SLC39A11: variants seen among roughly 807,000 people sequenced by gnomAD.
The protein encoded by SLC39A11 is solute carrier family 39 member 11, also known as zinc transporter ZIP11.
Under a neutral mutation model 36.1 loss-of-function variants are expected in SLC39A11, and 33 were observed. That is an observed-to-expected ratio of 0.91 (90% confidence interval 0.69 to 1.22). The LOEUF (loss-of-function observed/expected upper bound fraction) is 1.22, where lower values mean the gene tolerates loss of function less well. Among genes scored for constraint, SLC39A11 ranks in the 50% most tolerant of loss-of-function variants. SLC39A11 has a pLI of 0.00. For synonymous variants in SLC39A11, 166 were observed against 170.3 expected (o/e 0.97, Z 0.20); for missense variants, 432 against 430.3 (o/e 1.00, Z -0.03).
chr17:72,694,258 A>G (rs1190049236), intron 7 of SLC39A11, among the ~76,000 whole-genome samples: 1 of 152,180 alleles, frequency 6.6e-6, no homozygotes, highest in South Asian at 2.1e-4. Flanking sequence ...TGAGGTTGCC[A>G]CCGGGCTGTG....
intron 6 of SLC39A11, among the ~76,000 whole-genome samples, chr17:72,785,989 A>G (rs978018327): frequency 6.6e-6 from 1 of 152,200 alleles, no homozygotes; most frequent in Non-Finnish European, 1.5e-5. Context: ...CTGAGTATTC[A>G]TTTTCTTCAC....
intron 4 of SLC39A11, among the ~76,000 whole-genome samples, chr17:72,954,274 G>A (rs1477219930): frequency 6.6e-6 from 1 of 152,196 alleles, no homozygotes; most frequent in South Asian, 2.1e-4. Flanking sequence ...TCAAACTCCT[G>A]ACCTCAAGTG....
intron 2 of SLC39A11, among the ~76,000 whole-genome samples, chr17:73,087,662 T>C (rs547454181): frequency 2.0e-5 from 3 of 151,768 alleles, no homozygotes; most frequent in Non-Finnish European, 4.4e-5. Flanking sequence ...TGTGGGACTA[T>C]AGGTAGAGCG....
chr17:72,826,677 C>T (rs2078042519), intron 6 of SLC39A11, among the ~76,000 whole-genome samples: 2 of 152,076 alleles, frequency 1.3e-5, no homozygotes, highest in South Asian at 2.1e-4. Context: ...ACATGGCGAT[C>T]GTAACCCCCA....
intron 6 of SLC39A11, among the ~76,000 whole-genome samples, chr17:72,802,061 G>A (rs1319686814): frequency 6.6e-6 from 1 of 152,180 alleles, no homozygotes; most frequent in East Asian, 1.9e-4. Flanking sequence ...CAGAAGGTTC[G>A]ATGCAGCGCA....
At chr17:73,026,245 C>T (rs933311546) in intron 4 of SLC39A11, among the ~76,000 whole-genome samples, 7 of 30,130 alleles carry the variant, frequency 2.3e-4, no homozygotes, top group Non-Finnish European at 5.4e-4. Flanking sequence ...AGGGAAAAGC[C>T]GGCTGTGGTG....
chr17:73,068,178 T>C (rs2144437532), intron 3 of SLC39A11: 5 of 1,234,022 alleles, frequency 4.1e-6, no homozygotes, highest in Non-Finnish European at 4.7e-6. Context: ...GAAACTGCAG[T>C]GGAAGACGGG....
chr17:72,901,555 A>G (rs72847969), intron 5 of SLC39A11, among the ~76,000 whole-genome samples: 23,378 of 152,140 alleles, frequency 0.15, 3,603 homozygotes, highest in African/African-American at 0.39. Context: ...GGTTTGGACT[A>G]TAACTGGATA....
intron 6 of SLC39A11, among the ~76,000 whole-genome samples, chr17:72,737,458 T>C (rs2074478757): frequency 6.6e-6 from 1 of 152,140 alleles, no homozygotes; most frequent in Non-Finnish European, 1.5e-5. Context: ...AAATATTTAC[T>C]TTCTGGAACT....
rs142961664 is a variant in SLC39A11, at chr17:73,068,041, T to C, written c.147+16767A>G. On this transcript the variant is annotated intron_variant, in intron 3 of 9. Coordinates refer to ENST00000255559, the MANE Select transcript of SLC39A11 (RefSeq NM_139177.4). ...GAAACTTTTTGATGAAGTCAATGAG[T>C]CCTTGGATGGTTCATGTTCGCTCTA... is the stretch of plus-strand genomic sequence containing the variant. 2.5e-6 allele frequency: 4 copies of C among 1,585,618 alleles called. No individual in the cohort carries two copies. In the African/African-American group the frequency reaches 5.4e-5, roughly 21 times the overall value.
intron 4 of SLC39A11, among the ~76,000 whole-genome samples, chr17:72,968,994 C>A (rs1208283274): frequency 6.6e-6 from 1 of 151,966 alleles, no homozygotes; most frequent in Non-Finnish European, 1.5e-5. Flanking sequence ...TCAGGTCTAC[C>A]ATGGGAAGCC....
At position 72,789,742 on chromosome 17, in the gene SLC39A11, G is replaced by A. The variant is rs117422398; in HGVS notation, c.602-53023C>T. Among the ~76,000 whole-genome samples the A allele has an allele frequency of 5.9e-3, 895 of 152,314 alleles. 4 individuals are homozygous for A. Among genetic ancestry groups the A allele is most frequent in the Middle Eastern group, 0.024 (7 of 294 alleles). On this transcript the variant is annotated intron_variant, in intron 6 of 9. Transcript: ENST00000255559. ...AGGGTTCTTTATTATATAGAACCTC[G>A]TTCCCTGGGGCGGATGAAATCCAGG... is the stretch of plus-strand genomic sequence containing the variant.
chr17:73,015,429 C>T (rs1426483073), intron 4 of SLC39A11, among the ~76,000 whole-genome samples: 2 of 152,096 alleles, frequency 1.3e-5, no homozygotes, highest in Admixed American at 1.3e-4. Flanking sequence ...CTCTCTGATC[C>T]CAAGCTCAAG....
intron 6 of SLC39A11, among the ~76,000 whole-genome samples, chr17:72,820,707 G>A (rs897585345): frequency 6.6e-6 from 1 of 151,238 alleles, no homozygotes; most frequent in Non-Finnish European, 1.5e-5. Context: ...GGCATGGGGT[G>A]AGATGAGAGA....
At chr17:72,970,951 T>C (rs1002716287) in intron 4 of SLC39A11, among the ~76,000 whole-genome samples, 7 of 152,214 alleles carry the variant, frequency 4.6e-5, no homozygotes, top group Non-Finnish European at 8.8e-5. Context: ...GCTGGGTGTC[T>C]GGGGCTCTGG....
chr17:72,828,613 G>A (rs1164633299), intron 6 of SLC39A11, among the ~76,000 whole-genome samples: 1 of 152,196 alleles, frequency 6.6e-6, no homozygotes, highest in Non-Finnish European at 1.5e-5. Flanking sequence ...CCAGCCTGGT[G>A]AGCTGAGTTC....
intron 5 of SLC39A11, among the ~76,000 whole-genome samples, chr17:72,926,059 T>C (rs562897104): frequency 1.3e-5 from 2 of 152,344 alleles, no homozygotes; most frequent in Non-Finnish European, 2.9e-5. Flanking sequence ...TGGGGTCCCA[T>C]GTGAGCCCTC....
chr17:72,981,179 G>T (rs2088273856), intron 4 of SLC39A11, among the ~76,000 whole-genome samples: 1 of 152,074 alleles, frequency 6.6e-6, no homozygotes, highest in African/African-American at 2.4e-5. Context: ...AATAAGGTAA[G>T]CAATATAAAA....
intron 4 of SLC39A11, among the ~76,000 whole-genome samples, chr17:72,948,948 A>G (rs573001285): frequency 5.3e-5 from 8 of 151,992 alleles, no homozygotes; most frequent in Non-Finnish European, 1.0e-4. Flanking sequence ...AATGCACAGG[A>G]TCTCAACAGG....
Sources: gnomAD v4.1 joint callset for allele counts (sites outside exome capture counted in the v4.1 genomes callset) on GRCh38, gnomAD v4.1.1 for gene constraint, MANE v1.5 for transcripts, NCBI Gene and HGNC (gene_info 2026-07-23, HGNC 2026-07-21) for gene names.